PDE8B: variants seen among roughly 807,000 people sequenced by gnomAD.
PDE8B encodes high affinity cAMP-specific and IBMX-insensitive 3',5'-cyclic phosphodiesterase 8B.
A neutral mutation model predicts 101.3 loss-of-function variants in PDE8B; 26 were observed. That is an observed-to-expected ratio of 0.26 (90% CI 0.19 to 0.36). The LOEUF is 0.36. Among genes scored for constraint, PDE8B ranks in the 10% least tolerant of loss-of-function variants. PDE8B has a pLI of 1.00. For missense variants in PDE8B, 810 were observed against 1,163.1 expected (o/e 0.70, Z 4.42); for synonymous variants, 424 against 429.3 (o/e 0.99, Z 0.15).
chr5:77,206,042 A>G (rs1747475090), upstream of PDE8B, among the ~76,000 whole-genome samples: 1 of 151,674 alleles, frequency 6.6e-6, no homozygotes, highest in Non-Finnish European at 1.5e-5. Context: ...CACTGACTTT[A>G]AAAACTAAAA....
At chr5:77,179,839 G>A in the PDE8B span, among the ~76,000 whole-genome samples, 3 of 152,238 alleles carry the variant, frequency 2.0e-5, no homozygotes, top group South Asian at 6.2e-4. Flanking sequence ...AGGATTACAG[G>A]CCTGAGCCAC....
At chr5:77,164,939 G>A in the PDE8B span, among the ~76,000 whole-genome samples, 42 of 152,270 alleles carry the variant, frequency 2.8e-4, no homozygotes, top group African/African-American at 9.9e-4. Context: ...TACAAGCCAG[G>A]CTCCTGGGCC....
intron 20 of PDE8B, among the ~76,000 whole-genome samples, chr5:77,422,553 TAAC>T (rs1180380939): frequency 1.3e-5 from 2 of 152,072 alleles, no homozygotes; most frequent in Non-Finnish European, 2.9e-5. Context: ...TGAGCAAAAT[TAAC>T]AAAGGGAGGG....
At chr5:77,356,256 G>A (rs537688489) in intron 10 of PDE8B, among the ~76,000 whole-genome samples, 1 of 152,240 alleles carries the variant, frequency 6.6e-6, no homozygotes, top group East Asian at 1.9e-4. Flanking sequence ...GTGCGGACAC[G>A]AGAACCTAGG....
intron 1 of PDE8B, among the ~76,000 whole-genome samples, chr5:77,258,159 G>C (rs1479321569): frequency 6.6e-6 from 1 of 151,882 alleles, no homozygotes; most frequent in Admixed American, 6.6e-5. Context: ...CATGGTGGCA[G>C]GTACCTGTAA....
At chr5:77,310,303 G>A (rs1772302334) in intron 1 of PDE8B, among the ~76,000 whole-genome samples, 1 of 152,202 alleles carries the variant, frequency 6.6e-6, no homozygotes, top group Non-Finnish European at 1.5e-5. Context: ...TTTGGAAAGA[G>A]GGTGTCTATT....
chr5:77,407,565 C>A, intron 13 of PDE8B, 108 bp downstream of exon 13: 2 of 805,286 alleles, frequency 2.5e-6, no homozygotes, highest in Non-Finnish European at 2.2e-6. Context: ...GTGGAAGAAG[C>A]AAATAACAGG....
At chr5:77,161,466 A>G in the PDE8B span, among the ~76,000 whole-genome samples, 1 of 152,118 alleles carries the variant, frequency 6.6e-6, no homozygotes, top group Non-Finnish European at 1.5e-5. Flanking sequence ...CTATTGATGA[A>G]CAGGAGGTTT....
the PDE8B span, chr5:77,180,378 G>C: frequency 2.2e-6 from 2 of 912,634 alleles, no homozygotes; most frequent in East Asian, 1.2e-4. Flanking sequence ...GCGCCAGGCC[G>C]GTGCCCTCTG....
At chr5:77,230,475 A>G (rs1294826945) in intron 1 of PDE8B, among the ~76,000 whole-genome samples, 1 of 152,020 alleles carries the variant, frequency 6.6e-6, no homozygotes, top group Non-Finnish European at 1.5e-5. Flanking sequence ...AATTTATTCT[A>G]TTTTATTTTG....
the PDE8B span, among the ~76,000 whole-genome samples, chr5:77,107,917 G>A: frequency 5.9e-5 from 9 of 152,084 alleles, no homozygotes; most frequent in East Asian, 1.9e-4. Context: ...CAGGGAATTC[G>A]TATTCCCCTC....
Position 77,286,973 on chromosome 5 carries a change from G to A in PDE8B, c.340-25021G>A, listed in dbSNP as rs546271703. Among the ~76,000 whole-genome samples, 10 of 151,990 alleles carry A rather than the reference G, an allele frequency of 6.6e-5. No individual in the cohort carries two copies. The South Asian group carries it at 8.3e-4, about 13-fold the overall frequency. The stretch of plus-strand genomic sequence containing the variant: ...ACTTAAATTCCAGTTATTTCCCTCC[G>A]GATTCCATGCTCCTGTTGTCGTGCA... On this transcript the variant is annotated intron_variant, in intron 1 of 21. Coordinates refer to ENST00000264917, the MANE Select transcript of PDE8B (RefSeq NM_003719.5).
the PDE8B span, among the ~76,000 whole-genome samples, chr5:77,097,707 C>CTA: frequency 1.2e-3 from 25 of 20,858 alleles, no homozygotes; most frequent in East Asian, 5.4e-3. Flanking sequence ...ATATATATAT[C>CTA]TATATATATA....
At chr5:77,165,142 A>G in the PDE8B span, among the ~76,000 whole-genome samples, 1 of 152,226 alleles carries the variant, frequency 6.6e-6, no homozygotes, top group African/African-American at 2.4e-5. Context: ...GTCACACATC[A>G]TACACAACAG....
intron 20 of PDE8B, among the ~76,000 whole-genome samples, chr5:77,422,696 C>A (rs1490240570): frequency 2.6e-5 from 4 of 151,924 alleles, no homozygotes; most frequent in African/African-American, 7.3e-5. Flanking sequence ...AGCCCTACTT[C>A]CAGAGAAGAG....
At chr5:77,315,026 T>G (rs1773502090) in intron 2 of PDE8B, among the ~76,000 whole-genome samples, 1 of 152,162 alleles carries the variant, frequency 6.6e-6, no homozygotes, top group African/African-American at 2.4e-5. Flanking sequence ...ATTGGGTTAA[T>G]TTTTAAAAGT....
chr5:77,411,784 T>C, intron 15 of PDE8B, 63 bp downstream of exon 15: 1 of 1,256,638 alleles, frequency 8.0e-7, no homozygotes, highest in Non-Finnish European at 1.2e-6. Context: ...TCCCCGCTGT[T>C]GCGATTATTG....
At chr5:77,228,065 G>T (rs190951852) in intron 1 of PDE8B, among the ~76,000 whole-genome samples, 2 of 152,092 alleles carry the variant, frequency 1.3e-5, no homozygotes, top group African/African-American at 4.8e-5. Context: ...GCTAGGGCAG[G>T]GTCTTATCTG....
At chr5:77,328,538 C>A (rs866277108) in intron 3 of PDE8B, among the ~76,000 whole-genome samples, 24 of 152,150 alleles carry the variant, frequency 1.6e-4, no homozygotes, top group African/African-American at 5.6e-4. Flanking sequence ...ATTTGTACAT[C>A]CAGCTGCCAG....
Sources: allele counts gnomAD v4.1 joint callset (sites outside exome capture counted in the v4.1 genomes callset), GRCh38; gene constraint gnomAD v4.1.1; transcripts MANE v1.5; gene names NCBI Gene and HGNC (gene_info 2026-07-23, HGNC 2026-07-21).